PCDH11X: variants seen among roughly 807,000 people sequenced by gnomAD.
PCDH11X encodes protocadherin-11 X-linked.
In PCDH11X, 18 loss-of-function variants were observed where a neutral mutation model predicts 53.3. The observed-to-expected ratio is 0.34, with a 90% CI of 0.23 to 0.50. PCDH11X has a LOEUF of 0.50. Ranked by LOEUF, PCDH11X falls within the 20% of genes least tolerant of loss-of-function variation. PCDH11X has a pLI of 0.98. For missense variants in PCDH11X, 570 were observed against 1,032.4 expected (o/e 0.55, Z 6.14); for synonymous variants, 279 against 393.3 (o/e 0.71, Z 3.44).
intron 6 of PCDH11X, among the ~76,000 whole-genome samples, chrX:91,932,699 T>C (rs768185538): frequency 0.012 from 1,066 of 92,357 alleles, 26 homozygotes; most frequent in South Asian, 0.089. Context: ...TGTGTGTGTG[T>C]GCGCGCGCGC....
chrX:92,531,092 G>A (rs7063469), intron 10 of PCDH11X, among the ~76,000 whole-genome samples: 4,636 of 111,210 alleles, frequency 0.042, 242 homozygotes, highest in African/African-American at 0.14. Context: ...TAGTAGGAAT[G>A]AAGCATTAAT....
chrX:92,158,711 C>T (rs1290021337), intron 6 of PCDH11X, among the ~76,000 whole-genome samples: 1 of 110,292 alleles, frequency 9.1e-6, no homozygotes, highest in Admixed American at 9.7e-5. Context: ...TCTCGGCTCA[C>T]TGAAACCTCC....
At chrX:91,940,713 T>G (rs1445392113) in intron 6 of PCDH11X, among the ~76,000 whole-genome samples, 1 of 77,695 alleles carries the variant, frequency 1.3e-5, no homozygotes, top group Non-Finnish European at 2.5e-5. Flanking sequence ...TTTTTTTTTT[T>G]GTAGAGATAA....
At chrX:92,366,189 T>G (rs1223398428) in intron 8 of PCDH11X, among the ~76,000 whole-genome samples, 1 of 112,017 alleles carries the variant, frequency 8.9e-6, no homozygotes, top group South Asian at 3.7e-4. Context: ...CTTCAGGGAT[T>G]CGACTTCTTC....
rs991586734 is a variant in PCDH11X, at chrX:91,925,903, G to T, written c.3033+46630G>T. 5.5e-5 allele frequency among the ~76,000 whole-genome samples: 6 copies of T among 108,579 alleles called. No individual in the cohort carries two copies. In the Admixed American group the frequency reaches 6.0e-4, roughly 11 times the overall value. 94.3% of individuals were successfully genotyped at this position (108,579 alleles called of 115,157 possible). A position where few individuals can be genotyped will look rare whatever the true frequency, so the allele number is the denominator to read the frequency against. ...CTTTCAATTCAAAGCATGTTGATAG[G>T]TTTTCTTTCTTGGTATAGAAGGGAG... On this transcript the variant is annotated intron_variant, in intron 6 of 10. Coordinates refer to ENST00000682573, the MANE Select transcript of PCDH11X (RefSeq NM_032968.5).
At chrX:92,594,820 G>T (rs1331320526) in intron 10 of PCDH11X, among the ~76,000 whole-genome samples, 1 of 95,728 alleles carries the variant, frequency 1.0e-5, no homozygotes, top group African/African-American at 3.9e-5. Flanking sequence ...ATCTTCCTAC[G>T]AATTTGTTTA....
chrX:92,257,334 G>A (rs61019256), intron 7 of PCDH11X, among the ~76,000 whole-genome samples: 2,599 of 110,579 alleles, frequency 0.024, 75 homozygotes, highest in African/African-American at 0.082. Flanking sequence ...GATTTGAGTG[G>A]GGGCACTGAT....
intron 6 of PCDH11X, among the ~76,000 whole-genome samples, chrX:91,994,744 C>T (rs755990177): frequency 9.0e-6 from 1 of 111,349 alleles, no homozygotes; most frequent in Admixed American, 9.6e-5. Flanking sequence ...AATGGCTGTA[C>T]GAATTTACAT....
intron 8 of PCDH11X, among the ~76,000 whole-genome samples, chrX:92,276,357 G>T (rs926076356): frequency 2.8e-5 from 3 of 108,885 alleles, no homozygotes; most frequent in Non-Finnish European, 5.7e-5. Context: ...GAAGGAGTCA[G>T]TCAGAGAGCC....
intron 8 of PCDH11X, among the ~76,000 whole-genome samples, chrX:92,264,976 T>A (rs2148418045): frequency 9.4e-6 from 1 of 106,172 alleles, no homozygotes; most frequent in East Asian, 2.9e-4. Context: ...GAGAAGGTTA[T>A]GACGTTAAAA....
intron 6 of PCDH11X, among the ~76,000 whole-genome samples, chrX:92,117,229 G>A (rs2148170008): frequency 9.2e-6 from 1 of 108,980 alleles, no homozygotes; most frequent in South Asian, 4.1e-4. Flanking sequence ...CTGAGGTCAG[G>A]AGTTTGAGAC....
intron 6 of PCDH11X, among the ~76,000 whole-genome samples, chrX:91,898,165 C>T (rs1043994136): frequency 1.8e-5 from 2 of 109,748 alleles, no homozygotes; most frequent in Non-Finnish European, 3.8e-5. Flanking sequence ...AAGACTTCTT[C>T]TACATAGATG....
At chrX:92,367,299 GAGTCT>G (rs1173773943) in intron 8 of PCDH11X, among the ~76,000 whole-genome samples, 1 of 111,433 alleles carries the variant, frequency 9.0e-6, no homozygotes, top group Non-Finnish European at 1.9e-5. Context: ...TGTTTTATCA[GAGTCT>G]AGAATTGCAA....
At chrX:92,193,504 C>T (rs1035365293) in intron 6 of PCDH11X, among the ~76,000 whole-genome samples, 12 of 111,163 alleles carry the variant, frequency 1.1e-4, no homozygotes, top group African/African-American at 9.8e-5. Context: ...CCATTAATAA[C>T]AAGAACATTA....
intron 8 of PCDH11X, among the ~76,000 whole-genome samples, chrX:92,275,037 T>A (rs1276772139): frequency 1.9e-5 from 2 of 106,070 alleles, no homozygotes; most frequent in African/African-American, 6.9e-5. Flanking sequence ...AGAAAGTATA[T>A]GCGTCAGTTA....
intron 5 of PCDH11X, among the ~76,000 whole-genome samples, chrX:91,863,068 T>A (rs962853099): frequency 1.9e-4 from 21 of 109,351 alleles, no homozygotes; most frequent in African/African-American, 6.7e-4. Context: ...GAAAAGAATG[T>A]GTATTCTGCA....
rs1356755186 is a variant in PCDH11X, at chrX:92,137,165, C to T, written c.3034-64210C>T. On this transcript the variant is annotated intron_variant, in intron 6 of 10. Coordinates refer to ENST00000682573, the MANE Select transcript of PCDH11X (RefSeq NM_032968.5). ...CACTCCACTATGCCCAGTTAGTCTT[C>T]TTATACTACAAGCAAATATATACAT... Among the ~76,000 whole-genome samples the T allele has an allele frequency of 3.6e-5, 4 of 109,667 alleles. No homozygotes were observed. The Admixed American group carries it at 4.0e-4, about 11-fold the overall frequency.
At chrX:92,007,579 G>A (rs2563204) in intron 6 of PCDH11X, among the ~76,000 whole-genome samples, 2,820 of 111,943 alleles carry the variant, frequency 0.025, 78 homozygotes, top group African/African-American at 0.082. Context: ...ACAGACCCCA[G>A]GAGCTCACTT....
At chrX:92,564,552 A>G (rs1921230189) in intron 10 of PCDH11X, among the ~76,000 whole-genome samples, 1 of 108,476 alleles carries the variant, frequency 9.2e-6, no homozygotes, top group East Asian at 2.8e-4. Context: ...TGCTAGGAAA[A>G]CTTAATTCAG....
Sources: gnomAD v4.1 joint callset for allele counts (sites outside exome capture counted in the v4.1 genomes callset) on GRCh38, gnomAD v4.1.1 for gene constraint, MANE v1.5 for transcripts, NCBI Gene and HGNC (gene_info 2026-07-23, HGNC 2026-07-21) for gene names.